CDS1: variants seen among roughly 807,000 people sequenced by gnomAD.
CDS1 encodes CDP-diacylglycerol synthase 1.
CDS1 carries 41 observed loss-of-function variants against 62.1 expected under a neutral mutation model. The ratio of observed to expected loss-of-function variants is 0.66; its 90% CI spans 0.51 to 0.86. CDS1 has a LOEUF of 0.86. Among genes scored for constraint, CDS1 ranks in the 40% least tolerant of loss-of-function variants. The pLI is 0.00. For missense variants in CDS1, 470 were observed against 550.1 expected (o/e 0.85, Z 1.46); for synonymous variants, 185 against 192.6 (o/e 0.96, Z 0.32).
At chr4:84,594,107 G>A (rs947095151) in intron 1 of CDS1, among the ~76,000 whole-genome samples, 4 of 152,048 alleles carry the variant, frequency 2.6e-5, no homozygotes, top group Non-Finnish European at 5.9e-5. Flanking sequence ...TTTAGTGTAG[G>A]GGAGTGAAAA....
chr4:84,640,804 TTTTTG>T (rs565578108), intron 9 of CDS1, 29 bp from the exon 10 acceptor site: 27 of 1,470,566 alleles, frequency 1.8e-5, no homozygotes, highest in African/African-American at 8.6e-5. Context: ...TTTGCTTTGT[TTTTTG>T]TTTTGTTTTG....
chr4:84,599,344 G>A (rs1439941762), intron 1 of CDS1, among the ~76,000 whole-genome samples: 1 of 141,460 alleles, frequency 7.1e-6, no homozygotes, highest in African/African-American at 2.7e-5. Flanking sequence ...TTGTTTTTTG[G>A]CAGGGACAGA....
intron 1 of CDS1, among the ~76,000 whole-genome samples, chr4:84,587,895 C>T (rs1461350673): frequency 1.6e-4 from 24 of 152,000 alleles, no homozygotes; most frequent in Admixed American, 1.6e-3. Context: ...TCTTTCAGAC[C>T]TTTAAAAGTG....
In CDS1 at chr4:84,604,291, T is replaced by G; in HGVS notation, c.166T>G (p.Ser56Ala). ...TGGAGATTTGGATTCCAGAACAGAT[T>G]CTGATATTCCGGAAATTCCACCATC... ...RYGDLDSRTD[S>A]DIPEIPPSSD... The change falls in exon 2 of 13, where the codon TCT becomes GCT. Residue 56 changes from serine (S) to alanine (A), a missense_variant. Physicochemically the swap from Ser to Ala is moderately conservative, Grantham distance 99 (BLOSUM62 1). Transcript: ENST00000295887. The G allele has an allele frequency of 6.2e-7, 1 of 1,611,862 alleles. No individual in the cohort carries two copies. The highest frequency in any genetic ancestry group is 2.2e-5 in the East Asian group (1 of 44,822).
intron 11 of CDS1, 81 bp from the exon 12 acceptor site, chr4:84,645,141 T>G (rs1724518722): frequency 1.1e-6 from 1 of 888,822 alleles, no homozygotes. Context: ...AGTGAGTCCA[T>G]GACGCCAAAG....
intron 3 of CDS1, among the ~76,000 whole-genome samples, chr4:84,614,404 T>G (rs1371562922): frequency 3.9e-5 from 6 of 152,222 alleles, no homozygotes. Flanking sequence ...AGTGCATCAT[T>G]TAAAGTTATT....
At chr4:84,615,979 A>G (rs1723481168) in intron 3 of CDS1, among the ~76,000 whole-genome samples, 1 of 152,226 alleles carries the variant, frequency 6.6e-6, no homozygotes, top group African/African-American at 2.4e-5. Context: ...TGATGATCAT[A>G]TAAATATAAT....
At chr4:84,602,573 C>G (rs959748947) in intron 1 of CDS1, among the ~76,000 whole-genome samples, 1 of 152,128 alleles carries the variant, frequency 6.6e-6, no homozygotes, top group Admixed American at 6.6e-5. Flanking sequence ...GTCTCATGCT[C>G]TTTTTGTAGG....
intron 2 of CDS1, among the ~76,000 whole-genome samples, chr4:84,609,035 C>T (rs543973423): frequency 7.3e-4 from 110 of 151,720 alleles, no homozygotes; most frequent in African/African-American, 2.6e-3. Context: ...AACAATTAGC[C>T]GGGTGTGGTG....
chr4:84,588,587 A>G (rs1037456884), intron 1 of CDS1, among the ~76,000 whole-genome samples: 10 of 152,150 alleles, frequency 6.6e-5, no homozygotes, highest in African/African-American at 2.4e-4. Flanking sequence ...GCAGGGGGTT[A>G]GAGAATGGGT....
chr4:84,622,136 G>A (rs1273719082), intron 5 of CDS1, among the ~76,000 whole-genome samples: 1 of 152,054 alleles, frequency 6.6e-6, no homozygotes, highest in Admixed American at 6.5e-5. Flanking sequence ...TTTTTATTAT[G>A]GGAGAGAAGA....
rs575338212 is a variant in CDS1 at position 84,605,268 on chromosome 4, T to C, written c.245+898T>C. ...CTGCAAAAATGTTATGAAACAATTC[T>C]TCCCATTACTGTGTAATACCCTCTG... On this transcript the variant is annotated intron_variant, in intron 2 of 12. Transcript: ENST00000295887. Among the ~76,000 whole-genome samples, 271 of 152,316 alleles carry C rather than the reference T, an allele frequency of 1.8e-3. 2 individuals carry two copies. Among genetic ancestry groups the C allele is most frequent in the African/African-American group, 6.2e-3 (259 of 41,566 alleles).
intron 1 of CDS1, among the ~76,000 whole-genome samples, chr4:84,593,481 C>T (rs1045645780): frequency 2.0e-5 from 3 of 151,100 alleles, no homozygotes; most frequent in Admixed American, 6.7e-5. Context: ...ACACTCTGAT[C>T]AGCAGCAGTT....
chr4:84,648,724 A>T lies in CDS1; in HGVS notation c.*38A>T. On this transcript the variant is annotated 3_prime_UTR_variant, in exon 13 of 13. Coordinates refer to ENST00000295887, the MANE Select transcript of CDS1 (RefSeq NM_001263.4). ...AGGGAAGGACTGACAAGAAGGAATT[A>T]TTCAGAAAAACACTGACAGATGTTT... The T allele has an allele frequency of 6.3e-7, 1 of 1,576,188 alleles. No individual in the cohort carries two copies. The highest frequency in any genetic ancestry group is 8.6e-7 in the Non-Finnish European group (1 of 1,161,060).
At chr4:84,608,775 C>T (rs779948588) in intron 2 of CDS1, among the ~76,000 whole-genome samples, 2 of 152,096 alleles carry the variant, frequency 1.3e-5, no homozygotes, top group Admixed American at 6.5e-5. Flanking sequence ...GTACCTGGCT[C>T]GTTCTTCCCC....
intron 8 of CDS1, among the ~76,000 whole-genome samples, chr4:84,635,668 TTCCTTCCTTCCTTCCTTCCTTCCC>T (rs1724177927): frequency 8.1e-6 from 1 of 122,856 alleles, no homozygotes; most frequent in African/African-American, 3.2e-5. Flanking sequence ...CCTTCCTTCC[TTCCTTCCTTCCTTCCTTCCTTCCC>T]TCCTTCCCTC....
At chr4:84,619,849 A>G (rs1177688895) in intron 5 of CDS1, among the ~76,000 whole-genome samples, 1 of 150,448 alleles carries the variant, frequency 6.6e-6, no homozygotes, top group African/African-American at 2.5e-5. Context: ...CCTGACCAAC[A>G]TGAAGAAAGT....
intron 3 of CDS1, among the ~76,000 whole-genome samples, chr4:84,611,575 A>G (rs888375952): frequency 1.3e-5 from 2 of 152,212 alleles, no homozygotes; most frequent in African/African-American, 4.8e-5. Flanking sequence ...TCTTGAAGCC[A>G]CTTAAAGTGG....
rs112996751 is a variant in CDS1, at chr4:84,626,172, A to C, written c.581-5647A>C. ...ACAAGAGCGAAACTCCATTTCAAAA[A>C]AAACAAACAAACAAACAAAAAAAAC... On this transcript the variant is annotated intron_variant, in intron 5 of 12. Transcript: ENST00000295887. Among the ~76,000 whole-genome samples the C allele has an allele frequency of 9.6e-3, 1,458 of 152,312 alleles. 16 individuals carry two copies. Among genetic ancestry groups the C allele is most frequent in the African/African-American group, 0.027 (1,130 of 41,560 alleles).
Sources: allele counts gnomAD v4.1 joint callset (sites outside exome capture counted in the v4.1 genomes callset), GRCh38; gene constraint gnomAD v4.1.1; transcripts MANE v1.5; gene names NCBI Gene and HGNC (gene_info 2026-07-23, HGNC 2026-07-21).